RELN: variants seen among roughly 807,000 people sequenced by gnomAD.
The protein encoded by RELN is reelin.
RELN carries 108 observed loss-of-function variants against 427.6 expected under a neutral mutation model. The observed-to-expected ratio is 0.25, with a 90% confidence interval of 0.22 to 0.30. The LOEUF is 0.30. Among genes scored for constraint, RELN ranks in the 10% least tolerant of loss-of-function variants. The pLI is 1.00. For synonymous variants in RELN, 1,524 were observed against 1,513.4 expected (o/e 1.01, Z -0.16); for missense variants, 3,715 against 4,302.8 (o/e 0.86, Z 3.82).
chr7:103,798,215 A>G (rs531474204), intron 3 of RELN, among the ~76,000 whole-genome samples: 1 of 152,298 alleles, frequency 6.6e-6, no homozygotes, highest in African/African-American at 2.4e-5. Flanking sequence ...TCTTCTTCTG[A>G]TAGCAATTTG....
At chr7:103,509,782 A>G (rs1302861375) in intron 51 of RELN, among the ~76,000 whole-genome samples, 2 of 150,120 alleles carry the variant, frequency 1.3e-5, no homozygotes, top group Non-Finnish European at 3.0e-5. Flanking sequence ...ATCTACAAAG[A>G]CCTTAAAGAA....
At chr7:103,487,146 T>TAACA (rs1331272930) in intron 60 of RELN, among the ~76,000 whole-genome samples, 1 of 152,062 alleles carries the variant, frequency 6.6e-6, no homozygotes, top group African/African-American at 2.4e-5. Context: ...CTCTGCAAAC[T>TAACA]AACACAAGAA....
At chr7:103,826,320 A>ATG (rs71154374) in intron 3 of RELN, among the ~76,000 whole-genome samples, 3,847 of 121,980 alleles carry the variant, frequency 0.032, 112 homozygotes, top group African/African-American at 0.085. Flanking sequence ...GACTAAGACA[A>ATG]TGTGTGTGTG....
rs1830204110 is a variant in RELN, at chr7:103,542,888, T to C, written c.6524-10A>G. 2 of 1,613,998 alleles carry C rather than the reference T, an allele frequency of 1.2e-6. No individual in the cohort carries two copies. Among genetic ancestry groups the C allele is most frequent in the Non-Finnish European group, 1.7e-6 (2 of 1,179,982 alleles). On this transcript the variant is annotated splice_polypyrimidine_tract_variant and intron_variant, in intron 42 of 64. Transcript: ENST00000428762. ...TCAGATTCTAGCTGACCTGAAAAAA[T>C]TGGAAAATATGGTTTACCTATGACC...
intron 2 of RELN, among the ~76,000 whole-genome samples, chr7:103,885,867 C>T (rs1242714406): frequency 6.6e-6 from 1 of 151,996 alleles, no homozygotes; most frequent in Non-Finnish European, 1.5e-5. Flanking sequence ...CTTACATTTC[C>T]AAGTAATGAA....
intron 2 of RELN, among the ~76,000 whole-genome samples, chr7:103,872,075 T>TA (rs1389951612): frequency 6.8e-6 from 1 of 147,668 alleles, no homozygotes; most frequent in Non-Finnish European, 1.5e-5. Flanking sequence ...TTTATTTTTT[T>TA]ATTATACTTT....
chr7:103,812,364 C>G (rs541610081), intron 3 of RELN, among the ~76,000 whole-genome samples: 1 of 152,146 alleles, frequency 6.6e-6, no homozygotes, highest in Non-Finnish European at 1.5e-5. Flanking sequence ...CTGTCCTGCC[C>G]CCTCAACTCA....
intron 1 of RELN, among the ~76,000 whole-genome samples, chr7:103,941,185 G>A (rs574624361): frequency 2.2e-4 from 33 of 152,188 alleles, no homozygotes; most frequent in African/African-American, 7.5e-4. Context: ...TTCCATAACT[G>A]TCACCTTGGG....
Position 103,635,459 on chromosome 7 carries a change from C to G in RELN, c.2431G>C (p.Glu811Gln), listed in dbSNP as rs1282605362. 6.2e-7 allele frequency: 1 copy of G among 1,613,984 alleles called. No individual in the cohort carries two copies. Among genetic ancestry groups the G allele is most frequent in the Non-Finnish European group, 8.5e-7 (1 of 1,179,930 alleles). The change falls in exon 19 of 65, where the codon GAG (glutamate) becomes CAG (glutamine). Residue 811 changes from glutamate (E) to glutamine (Q), a missense_variant. Around this residue, in one of 4 missense-constraint regions of RELN, gnomAD observed 2,208 missense variants for 2,361.7 expected, o/e 0.93. Transcript: ENST00000428762. Reference protein sequence around the residue: ...YDNGITWKLLEHYSYLSYHEP... With the variant: ...YDNGITWKLLQHYSYLSYHEP... The stretch of plus-strand genomic sequence containing the variant: ...TGATAGCTGAGATATGAATAATGCT[C>G]CAGGAGTTTCCAAGTTATCCCATTA...
At chr7:103,518,652 G>C (rs1036974189) in intron 49 of RELN, among the ~76,000 whole-genome samples, 1 of 151,674 alleles carries the variant, frequency 6.6e-6, no homozygotes, top group African/African-American at 2.4e-5. Flanking sequence ...TCCTGTCTGG[G>C]CTATATTTAT....
intron 23 of RELN, 61 bp downstream of exon 23, chr7:103,604,285 G>GTA: frequency 6.2e-7 from 1 of 1,600,850 alleles, no homozygotes; most frequent in Non-Finnish European, 8.5e-7. Context: ...AACTGCTGTG[G>GTA]TATCCTCCAG....
intron 6 of RELN, among the ~76,000 whole-genome samples, chr7:103,746,868 G>A (rs1440826304): frequency 1.3e-5 from 2 of 151,896 alleles, no homozygotes; most frequent in Non-Finnish European, 1.5e-5. Context: ...ATTCCTCAGG[G>A]ATCTAGAACT....
chr7:103,645,061 C>T (rs1429931935), intron 16 of RELN, among the ~76,000 whole-genome samples: 1 of 151,610 alleles, frequency 6.6e-6, no homozygotes. Flanking sequence ...AATAGTCTTT[C>T]CCAGGCAAGC....
intron 19 of RELN, among the ~76,000 whole-genome samples, chr7:103,634,402 A>G (rs1373222126): frequency 1.3e-5 from 2 of 152,194 alleles, no homozygotes; most frequent in African/African-American, 2.4e-5. Flanking sequence ...ATATTTTTAA[A>G]GGAATTTCAG....
At chr7:103,530,811 T>C (rs1313937784) in intron 46 of RELN, among the ~76,000 whole-genome samples, 1 of 152,236 alleles carries the variant, frequency 6.6e-6, no homozygotes, top group African/African-American at 2.4e-5. Context: ...TGGCTTTCAC[T>C]ATCATCTCCC....
intron 6 of RELN, 135 bp from the exon 7 acceptor site, chr7:103,728,342 C>A (rs1013496295): frequency 1.3e-5 from 11 of 831,582 alleles, no homozygotes; most frequent in Non-Finnish European, 2.0e-6. Context: ...GAGTATTTTG[C>A]ATCATGATAA....
At position 103,490,648 on chromosome 7, in the gene RELN, T is replaced by A; in HGVS notation, c.9605+20A>T. 2.5e-6 allele frequency: 4 copies of A among 1,613,816 alleles called. No individual in the cohort carries two copies. The highest frequency in any genetic ancestry group is 3.4e-6 in the Non-Finnish European group (4 of 1,179,720). On this transcript the variant is annotated intron_variant, in intron 59 of 64. Transcript: ENST00000428762. ...AGAGGCCAGATAATTTCACAAAGTT[T>A]ACCTTAATTTGCAACCTACCTAGAG...
In RELN at chr7:103,650,389, A is replaced by G; in HGVS notation, c.1893-6T>C. The stretch of plus-strand genomic sequence containing the variant: ...GAATTGTTATTCGGTTCCACCTGCA[A>G]GAAATTTAGCACAAAACCATCTTCA... On this transcript the variant is annotated splice_region_variant and splice_polypyrimidine_tract_variant and intron_variant, in intron 15 of 64. Transcript: ENST00000428762. 6.4e-7 allele frequency: 1 copy of G among 1,560,328 alleles called. No individual in the cohort carries two copies. Among genetic ancestry groups the G allele is most frequent in the Non-Finnish European group, 8.8e-7 (1 of 1,131,366 alleles).
intron 1 of RELN, among the ~76,000 whole-genome samples, chr7:103,987,435 G>A (rs1429428717): frequency 6.6e-6 from 1 of 152,162 alleles, no homozygotes; most frequent in East Asian, 1.9e-4. Flanking sequence ...TGATATTTTG[G>A]TGTTTTTAGT....
Sources: gnomAD v4.1 joint callset for allele counts (sites outside exome capture counted in the v4.1 genomes callset) on GRCh38, gnomAD v4.1.1 for gene constraint, gnomAD v4.1.1 regional missense constraint, MANE v1.5 for transcripts, NCBI Gene and HGNC (gene_info 2026-07-23, HGNC 2026-07-21) for gene names.